Variants in UBXN7 observed in about 807,000 individuals in gnomAD.
The protein encoded by UBXN7 is UBX domain-containing protein 7.
Under a neutral mutation model 58.0 loss-of-function variants are expected in UBXN7, and 9 were observed. That is an observed-to-expected ratio of 0.16 (90% confidence interval 0.09 to 0.27). The LOEUF (loss-of-function observed/expected upper bound fraction) is 0.27. Among genes scored for constraint, UBXN7 ranks in the 10% least tolerant of loss-of-function variants. UBXN7 has a pLI of 1.00. For missense variants in UBXN7, 328 were observed against 599.6 expected (o/e 0.55, Z 4.73); for synonymous variants, 208 against 205.0 (o/e 1.01, Z -0.12).
chr3:196,412,981 G>A (rs1346444647), intron 1 of UBXN7, among the ~76,000 whole-genome samples: 4 of 152,162 alleles, frequency 2.6e-5, no homozygotes, highest in African/African-American at 9.7e-5. Flanking sequence ...AAGAGTTATA[G>A]AGAGGGACGG....
At chr3:196,371,319 C>G (rs532396077) in intron 6 of UBXN7, among the ~76,000 whole-genome samples, 1 of 152,086 alleles carries the variant, frequency 6.6e-6, no homozygotes, top group Admixed American at 6.5e-5. Flanking sequence ...AAATGCAGAT[C>G]ATCTCATTAT....
At chr3:196,422,631 C>T (rs995357857) in intron 1 of UBXN7, among the ~76,000 whole-genome samples, 6 of 152,108 alleles carry the variant, frequency 3.9e-5, no homozygotes, top group African/African-American at 1.4e-4. Context: ...TAGAGCAATC[C>T]TCCCGCATCA....
chr3:196,424,383 A>ATTT (rs869183431), intron 1 of UBXN7, among the ~76,000 whole-genome samples: 1 of 104,898 alleles, frequency 9.5e-6, no homozygotes, highest in Non-Finnish European at 1.9e-5. Context: ...TCTTTTCCTA[A>ATTT]TTTTTTTTTT....
rs993438839 is a variant in UBXN7 at position 196,355,005 on chromosome 3, G to A, written c.*1680C>T. 1.8e-4 allele frequency: 27 copies of A among 152,160 alleles called. No individual in the cohort carries two copies. The highest frequency in any genetic ancestry group is 5.8e-4 in the African/African-American group (24 of 41,528). 9.4% of individuals were successfully genotyped at this position (152,160 alleles called of 1,614,324 possible). A position where few individuals can be genotyped will look rare whatever the true frequency, so the allele number is the denominator to read the frequency against. ...AGATATAAAACTCATTCTTTAGGGA[G>A]AGTTCCTCAAAATTCAACCATTAGA... On this transcript the variant is annotated 3_prime_UTR_variant, in exon 11 of 11. Coordinates refer to ENST00000296328, the MANE Select transcript of UBXN7 (RefSeq NM_015562.2).
intron 5 of UBXN7, among the ~76,000 whole-genome samples, chr3:196,372,947 C>T (rs1481540163): frequency 6.6e-6 from 1 of 152,068 alleles, no homozygotes; most frequent in Non-Finnish European, 1.5e-5. Flanking sequence ...GACGGGGTTT[C>T]ACCATGTTGG....
intron 1 of UBXN7, among the ~76,000 whole-genome samples, chr3:196,424,090 C>T (rs1560245737): frequency 6.6e-6 from 1 of 151,874 alleles, no homozygotes; most frequent in Non-Finnish European, 1.5e-5. Flanking sequence ...AGGGTTTCAC[C>T]ATATTGGCCA....
chr3:196,396,705 G>A (rs1022294089), intron 3 of UBXN7, among the ~76,000 whole-genome samples: 1 of 152,138 alleles, frequency 6.6e-6, no homozygotes, highest in African/African-American at 2.4e-5. Context: ...GGAGCTTGCA[G>A]TGAGCTGAGA....
intron 1 of UBXN7, among the ~76,000 whole-genome samples, chr3:196,408,097 C>CAAA (rs71621241): frequency 2.2e-3 from 97 of 45,094 alleles, no homozygotes; most frequent in East Asian, 4.7e-3. Flanking sequence ...GACTCTGTCT[C>CAAA]AAAAAAAAAA....
rs151274681 is a variant in UBXN7 at position 196,366,957 on chromosome 3, C to T, written c.834+1071G>A. Among the ~76,000 whole-genome samples, 893 of 152,154 alleles carry T rather than the reference C, an allele frequency of 5.9e-3. 5 individuals are homozygous for T. The highest frequency in any genetic ancestry group is 0.02 in the African/African-American group (841 of 41,510). On this transcript the variant is annotated intron_variant, in intron 8 of 10. Coordinates refer to ENST00000296328, the MANE Select transcript of UBXN7 (RefSeq NM_015562.2). ...CAGCACTTTGGGAGGCCGAGAAGGGCGGATCACTTGAAGTCAGCAGTTTGA... is the reference window on the plus strand; with the variant it reads ...CAGCACTTTGGGAGGCCGAGAAGGGTGGATCACTTGAAGTCAGCAGTTTGA...
At chr3:196,398,798 A>T (rs1729857581) in intron 3 of UBXN7, among the ~76,000 whole-genome samples, 1 of 151,712 alleles carries the variant, frequency 6.6e-6, no homozygotes, top group Non-Finnish European at 1.5e-5. Context: ...CACCCAGCTC[A>T]TTTTTTTCTT....
rs989892365 is a variant in UBXN7, at chr3:196,351,395, A to G, written c.*5290T>C. The G allele has an allele frequency of 2.6e-5, 4 of 152,228 alleles. No individual in the cohort carries two copies. The highest frequency in any genetic ancestry group is 9.7e-5 in the African/African-American group (4 of 41,440). 9.4% of individuals were successfully genotyped at this position (152,228 alleles called of 1,614,324 possible). On this transcript the variant is annotated 3_prime_UTR_variant, in exon 11 of 11. Coordinates refer to ENST00000296328, the MANE Select transcript of UBXN7 (RefSeq NM_015562.2). ...TTACAAGATTATTATTACTAGACCTATAACTACTATACTCTCCTCTTTGGA... is the reference window on the plus strand; with the variant it reads ...TTACAAGATTATTATTACTAGACCTGTAACTACTATACTCTCCTCTTTGGA...
At chr3:196,400,797 T>C (rs1358866527) in intron 3 of UBXN7, 2 of 313,528 alleles carry the variant, frequency 6.4e-6, no homozygotes, top group Non-Finnish European at 1.2e-5. Context: ...TCTGCCTCTG[T>C]TCAAAAGCAA....
At chr3:196,432,121 G>C in intron 1 of UBXN7, 1 of 713,556 alleles carries the variant, frequency 1.4e-6, no homozygotes, top group Non-Finnish European at 2.5e-6. Flanking sequence ...AGGAGACAGA[G>C]AACGAGGGTA....
intron 8 of UBXN7, 130 bp from the exon 9 acceptor site, chr3:196,362,817 G>A: frequency 8.3e-7 from 1 of 1,199,710 alleles, no homozygotes; most frequent in Non-Finnish European, 1.2e-6. Context: ...TCTACTTTAA[G>A]AGCAAGGACT....
intron 5 of UBXN7, among the ~76,000 whole-genome samples, 154 bp from the exon 6 acceptor site, chr3:196,372,196 T>C (rs1249491450): frequency 1.3e-5 from 2 of 152,208 alleles, no homozygotes; most frequent in Non-Finnish European, 2.9e-5. Context: ...ATTCTATATA[T>C]TTACTTCGCA....
chr3:196,422,773 G>A (rs926963944), intron 1 of UBXN7, among the ~76,000 whole-genome samples: 4 of 151,984 alleles, frequency 2.6e-5, no homozygotes, highest in African/African-American at 9.7e-5. Context: ...ACACTCCTAG[G>A]TATTTATCAA....
At chr3:196,418,229 C>A (rs1039054260) in intron 1 of UBXN7, among the ~76,000 whole-genome samples, 1 of 150,664 alleles carries the variant, frequency 6.6e-6, no homozygotes, top group African/African-American at 2.4e-5. Flanking sequence ...AGCAAGACTC[C>A]ATTGAAAGAA....
chr3:196,361,804 T>A (rs1393002296), intron 10 of UBXN7, 40 bp downstream of exon 10: 1 of 1,558,072 alleles, frequency 6.4e-7, no homozygotes, highest in Non-Finnish European at 8.8e-7. Context: ...CTCGTCTTAT[T>A]GCAGTGGTCG....
At chr3:196,417,331 C>G (rs1433330634) in intron 1 of UBXN7, among the ~76,000 whole-genome samples, 1 of 151,196 alleles carries the variant, frequency 6.6e-6, no homozygotes, top group Non-Finnish European at 1.5e-5. Context: ...ATAAATAAAT[C>G]AAATAAATAA....
Sources: allele counts gnomAD v4.1 joint callset (sites outside exome capture counted in the v4.1 genomes callset), GRCh38; gene constraint gnomAD v4.1.1; transcripts MANE v1.5; gene names NCBI Gene and HGNC (gene_info 2026-07-23, HGNC 2026-07-21).